FMN1: variants seen among roughly 807,000 people sequenced by gnomAD.
The protein encoded by FMN1 is formin-1.
A neutral mutation model predicts 132.4 loss-of-function variants in FMN1; 110 were observed. That is an observed-to-expected ratio of 0.83 (90% CI 0.71 to 0.97). The LOEUF (loss-of-function observed/expected upper bound fraction) is 0.97. FMN1 is among the 50% of genes least tolerant of loss of function. FMN1 has a pLI of 0.00. For synonymous variants in FMN1, 722 were observed against 651.7 expected (o/e 1.11, Z -1.64); for missense variants, 1,792 against 1,705.3 (o/e 1.05, Z -0.90).
At chr15:33,099,052 A>G (rs2039192901) in intron 4 of FMN1, among the ~76,000 whole-genome samples, 1 of 152,130 alleles carries the variant, frequency 6.6e-6, no homozygotes, top group African/African-American at 2.4e-5. Flanking sequence ...GGACTGCTTG[A>G]GCCCAGGAGT....
intron 7 of FMN1, among the ~76,000 whole-genome samples, chr15:33,001,909 C>G (rs2034141488): frequency 6.6e-6 from 1 of 152,084 alleles, no homozygotes; most frequent in South Asian, 2.1e-4. Flanking sequence ...TAAGCTCCCC[C>G]ACTTACTGCC....
chr15:33,052,936 T>C (rs901112052), intron 6 of FMN1, among the ~76,000 whole-genome samples: 3 of 152,086 alleles, frequency 2.0e-5, no homozygotes, highest in Non-Finnish European at 4.4e-5. Context: ...TGTGAGTCCA[T>C]AAAATGCCCC....
chr15:33,094,360 G>T (rs2039004083), intron 4 of FMN1, among the ~76,000 whole-genome samples: 1 of 152,186 alleles, frequency 6.6e-6, no homozygotes, highest in Admixed American at 6.5e-5. Context: ...TTTAAGTAAA[G>T]AACTCTATAT....
intron 19 of FMN1, among the ~76,000 whole-genome samples, chr15:32,784,851 G>C (rs576656051): frequency 6.6e-6 from 1 of 152,154 alleles, no homozygotes; most frequent in South Asian, 2.1e-4. Flanking sequence ...GTCTTTTCTG[G>C]AATTTTGCTT....
At chr15:32,814,675 T>C (rs530284435) in intron 17 of FMN1, among the ~76,000 whole-genome samples, 1 of 152,328 alleles carries the variant, frequency 6.6e-6, no homozygotes, top group African/African-American at 2.4e-5. Flanking sequence ...GTATTCTAAT[T>C]TGGAGGAAGC....
intron 4 of FMN1, among the ~76,000 whole-genome samples, chr15:33,123,622 G>C (rs1422039237): frequency 6.6e-6 from 1 of 152,190 alleles, no homozygotes; most frequent in Admixed American, 6.5e-5. Flanking sequence ...AGTGAGGGTT[G>C]TTGATCAAAC....
chr15:32,882,764 G>A (rs1207037987), intron 16 of FMN1, among the ~76,000 whole-genome samples: 1 of 151,990 alleles, frequency 6.6e-6, no homozygotes, highest in African/African-American at 2.4e-5. Context: ...GAAAAGTATT[G>A]GGCCTCCTGA....
intron 9 of FMN1, among the ~76,000 whole-genome samples, chr15:32,929,435 G>A (rs555165561): frequency 6.6e-6 from 1 of 151,996 alleles, no homozygotes; most frequent in Admixed American, 6.6e-5. Flanking sequence ...TTATTTTTAT[G>A]AAAAGTGCAC....
chr15:32,959,742 G>C, intron 9 of FMN1, among the ~76,000 whole-genome samples: 1 of 152,224 alleles, frequency 6.6e-6, no homozygotes, highest in Middle Eastern at 3.4e-3. Flanking sequence ...TATAAGAAAA[G>C]AAATAATAAA....
At chr15:32,937,045 C>G (rs1048776343) in intron 9 of FMN1, among the ~76,000 whole-genome samples, 88 of 152,156 alleles carry the variant, frequency 5.8e-4, no homozygotes, top group Non-Finnish European at 1.8e-4. Context: ...GAGCATTGGA[C>G]GGATGCTCCG....
chr15:32,781,706 G>A (rs182825907), intron 19 of FMN1, among the ~76,000 whole-genome samples: 3 of 152,244 alleles, frequency 2.0e-5, no homozygotes, highest in Admixed American at 1.3e-4. Flanking sequence ...TGTTGTATTC[G>A]TAGTATGCTG....
intron 9 of FMN1, 91 bp downstream of exon 9, chr15:32,964,016 T>TACACACACACACACACACACACAC (rs374980152): frequency 3.9e-6 from 2 of 508,328 alleles, no homozygotes; most frequent in African/African-American, 4.1e-5. Flanking sequence ...GTATATACGA[T>TACACACACACACACACACACACAC]ACACACACAC....
chr15:33,126,215 G>C (rs939581548), intron 4 of FMN1, among the ~76,000 whole-genome samples: 1 of 149,914 alleles, frequency 6.7e-6, no homozygotes, highest in Non-Finnish European at 1.5e-5. Context: ...ACCACCTAAA[G>C]ACAGAGAGTT....
intron 16 of FMN1, among the ~76,000 whole-genome samples, chr15:32,881,822 C>T (rs796315952): frequency 2.0e-5 from 3 of 152,266 alleles, no homozygotes; most frequent in African/African-American, 7.2e-5. Context: ...CTGGAAAATT[C>T]CCTTACCTTC....
Position 32,884,219 on chromosome 15 carries a change from A to G in FMN1, c.3835+3953T>C, listed in dbSNP as rs553192549. Among the ~76,000 whole-genome samples, 6 of 152,312 alleles carry G rather than the reference A, an allele frequency of 3.9e-5. No individual in the cohort carries two copies. The South Asian group carries it at 1.0e-3, about 26-fold the overall frequency. Reference sequence around the variant, plus strand: ...TAGTTCTATATGTTAGAAGTCTGACATGGGACTCACAGGCTAAACTCAAGG... The same window carrying G: ...TAGTTCTATATGTTAGAAGTCTGACGTGGGACTCACAGGCTAAACTCAAGG... On this transcript the variant is annotated intron_variant, in intron 16 of 20. Coordinates refer to ENST00000616417, the MANE Select transcript of FMN1 (RefSeq NM_001277313.2).
At chr15:33,087,524 C>A (rs941877190) in intron 5 of FMN1, among the ~76,000 whole-genome samples, 1 of 152,118 alleles carries the variant, frequency 6.6e-6, no homozygotes, top group Non-Finnish European at 1.5e-5. Flanking sequence ...CCAGCCTGAG[C>A]AACAGAGCAA....
chr15:32,805,028 T>C (rs1233881494), intron 17 of FMN1, among the ~76,000 whole-genome samples: 2 of 152,198 alleles, frequency 1.3e-5, no homozygotes, highest in Non-Finnish European at 2.9e-5. Flanking sequence ...ATATATCCAG[T>C]AATGGGATCA....
At position 32,765,581 on chromosome 15, in the gene FMN1, A is replaced by C. The variant is rs1438463905; in HGVS notation, c.*8729T>G. ...CAAGATTTATTAAAATACCCTTAGC[A>C]TATTTACAATTGAAAGCCATGAATG... On this transcript the variant is annotated 3_prime_UTR_variant, in exon 21 of 21. Coordinates refer to ENST00000616417, the MANE Select transcript of FMN1 (RefSeq NM_001277313.2). The C allele has an allele frequency of 6.6e-6, 1 of 152,214 alleles. No homozygotes were observed. The highest frequency in any genetic ancestry group is 6.5e-5 in the Admixed American group (1 of 15,276). The allele number at this position is 152,214 out of a possible 1,614,324, so 9.4% of individuals were successfully genotyped here.
At chr15:32,867,609 C>A (rs1022024679) in intron 16 of FMN1, among the ~76,000 whole-genome samples, 1 of 152,064 alleles carries the variant, frequency 6.6e-6, no homozygotes, top group Non-Finnish European at 1.5e-5. Context: ...TGGGTTCACG[C>A]CATTCTCCTG....
Sources: allele counts gnomAD v4.1 joint callset (sites outside exome capture counted in the v4.1 genomes callset), GRCh38; gene constraint gnomAD v4.1.1; transcripts MANE v1.5; gene names NCBI Gene and HGNC (gene_info 2026-07-23, HGNC 2026-07-21).